MOB3B: variants seen among roughly 807,000 people sequenced by gnomAD.
The protein encoded by MOB3B is MOB kinase activator-like 2B.
A neutral mutation model predicts 18.7 loss-of-function variants in MOB3B; 7 were observed. The observed-to-expected ratio is 0.37, with a 90% CI of 0.21 to 0.70. The LOEUF is 0.70. MOB3B is among the 30% of genes least tolerant of loss of function. The pLI is 0.52. For missense variants in MOB3B, 253 were observed against 281.3 expected (o/e 0.90, Z 0.72); for synonymous variants, 111 against 99.9 (o/e 1.11, Z -0.66).
In MOB3B at chr9:27,359,103, G is replaced by A; in HGVS notation, c.552C>T (p.Thr184=). ...CAAAGTAATAGAAGTGTTTGTAGCA[G>A]GTGTTGACATGGGCCTCTGCACCCA... ...IVMGAEAHVN[T]CYKHFYYFVT... The change falls in exon 3 of 4, where the codon ACC becomes ACT. Residue 184 remains threonine (T), a synonymous_variant. Coordinates refer to ENST00000262244, the MANE Select transcript of MOB3B (RefSeq NM_024761.5). 1 of 1,614,108 alleles carries A rather than the reference G, an allele frequency of 6.2e-7. No individual in the cohort carries two copies. Among genetic ancestry groups the A allele is most frequent in the Non-Finnish European group, 8.5e-7 (1 of 1,180,016 alleles).
At chr9:27,518,003 G>C (rs188516930) in intron 1 of MOB3B, among the ~76,000 whole-genome samples, 18 of 152,176 alleles carry the variant, frequency 1.2e-4, no homozygotes, top group African/African-American at 4.3e-4. Flanking sequence ...ATTATTCCTA[G>C]ATACCACCCC....
At chr9:27,495,041 T>A (rs1181194736) in intron 1 of MOB3B, among the ~76,000 whole-genome samples, 1 of 152,090 alleles carries the variant, frequency 6.6e-6, no homozygotes, top group Non-Finnish European at 1.5e-5. Context: ...TATATTAAAA[T>A]AAAATGGGCC....
chr9:27,528,175 G>C (rs947366652), intron 1 of MOB3B, among the ~76,000 whole-genome samples: 1 of 152,198 alleles, frequency 6.6e-6, no homozygotes, highest in Non-Finnish European at 1.5e-5. Context: ...AGGCTTCCTC[G>C]TTATTTGCAT....
intron 1 of MOB3B, among the ~76,000 whole-genome samples, chr9:27,463,403 A>C (rs558915926): frequency 6.6e-6 from 1 of 152,222 alleles, no homozygotes; most frequent in South Asian, 2.1e-4. Context: ...ACCTACTTAA[A>C]AGTGCCTCTT....
At chr9:27,345,132 C>G (rs538005646) in intron 3 of MOB3B, among the ~76,000 whole-genome samples, 38 of 152,298 alleles carry the variant, frequency 2.5e-4, no homozygotes, top group Admixed American at 2.1e-3. Context: ...TTGTCGTCTT[C>G]ACTGAAATGG....
chr9:27,355,314 C>G (rs1021393244), intron 3 of MOB3B, among the ~76,000 whole-genome samples: 3 of 152,064 alleles, frequency 2.0e-5, no homozygotes, highest in African/African-American at 7.2e-5. Flanking sequence ...AGGCATGACA[C>G]CAAGAATGTC....
In MOB3B at chr9:27,466,961, T is replaced by A. The variant is rs1218424524; in HGVS notation, c.-198-11213A>T. Among the ~76,000 whole-genome samples, 3 of 152,154 alleles carry A rather than the reference T, an allele frequency of 2.0e-5. No homozygotes were observed. In the East Asian group the frequency reaches 5.8e-4, roughly 29 times the overall value. ...CCTGCCAGAAGGATTAAGTCTGCAT[T>A]TCTAGAAACTCTCAAGAGAGAACAG... On this transcript the variant is annotated intron_variant, in intron 1 of 3. Transcript: ENST00000262244.
chr9:27,378,657 T>C (rs1311299680), intron 2 of MOB3B: 1 of 471,022 alleles, frequency 2.1e-6, no homozygotes, highest in African/African-American at 2.0e-5. Context: ...CCAGCCCTGA[T>C]GACTCCCTGA....
At chr9:27,386,051 A>G (rs1311996957) in intron 2 of MOB3B, among the ~76,000 whole-genome samples, 1 of 152,246 alleles carries the variant, frequency 6.6e-6, no homozygotes, top group East Asian at 1.9e-4. Flanking sequence ...GCACATGGAC[A>G]AGCCATCCTG....
At chr9:27,473,520 A>G (rs889725605) in intron 1 of MOB3B, among the ~76,000 whole-genome samples, 2 of 152,076 alleles carry the variant, frequency 1.3e-5, no homozygotes, top group African/African-American at 4.8e-5. Flanking sequence ...TAGTCGCTAA[A>G]CTAATCCACA....
intron 2 of MOB3B, among the ~76,000 whole-genome samples, chr9:27,420,715 G>A (rs1452485571): frequency 6.6e-6 from 1 of 150,688 alleles, no homozygotes; most frequent in Non-Finnish European, 1.5e-5. Flanking sequence ...AGGTCATATG[G>A]TCTCACTGAT....
intron 2 of MOB3B, among the ~76,000 whole-genome samples, chr9:27,419,073 A>AAG (rs922082720): frequency 2.0e-5 from 3 of 151,846 alleles, no homozygotes; most frequent in African/African-American, 7.3e-5. Flanking sequence ...AAAAAAAAAA[A>AAG]AAAGACTTAG....
chr9:27,478,839 A>G (rs1203460751), intron 1 of MOB3B, among the ~76,000 whole-genome samples: 1 of 151,932 alleles, frequency 6.6e-6, no homozygotes, highest in Non-Finnish European at 1.5e-5. Context: ...ACACACACAC[A>G]CACACACACA....
chr9:27,389,418 T>C (rs1168157914), intron 2 of MOB3B, among the ~76,000 whole-genome samples: 1 of 152,182 alleles, frequency 6.6e-6, no homozygotes, highest in African/African-American at 2.4e-5. Context: ...TTCCAATTAC[T>C]TGAACATGCC....
At position 27,403,748 on chromosome 9, in the gene MOB3B, G is replaced by A. The variant is rs994628892; in HGVS notation, c.419-44512C>T. ...CCCGCCTCGGCCTCCCAAAGTGCTG[G>A]GATTACAGGTGTGAGCCATTATGCC... On this transcript the variant is annotated intron_variant, in intron 2 of 3. Coordinates refer to ENST00000262244, the MANE Select transcript of MOB3B (RefSeq NM_024761.5). 1.1e-4 allele frequency among the ~76,000 whole-genome samples: 17 copies of A among 151,652 alleles called. 1 individual carries two copies. Among genetic ancestry groups the A allele is most frequent in the African/African-American group, 3.9e-4 (16 of 41,402 alleles).
intron 1 of MOB3B, among the ~76,000 whole-genome samples, chr9:27,491,459 A>G (rs147242368): frequency 5.1e-4 from 77 of 152,334 alleles, no homozygotes; most frequent in South Asian, 1.2e-3. Context: ...ATTTGCCATA[A>G]TAAGTCTATT....
In MOB3B at chr9:27,335,228, A is replaced by C. The variant is rs1010313369; in HGVS notation, c.622-4612T>G. Among the ~76,000 whole-genome samples, 8 of 152,226 alleles carry C rather than the reference A, an allele frequency of 5.3e-5. No homozygotes were observed. The East Asian group carries it at 1.5e-3, about 29-fold the overall frequency. Reference sequence around the variant, plus strand: ...CTAGGAATTATGAAACAAGCGCCAAAAAGCAGTGACATCATCACAGAGTCA... The same window carrying C: ...CTAGGAATTATGAAACAAGCGCCAACAAGCAGTGACATCATCACAGAGTCA... On this transcript the variant is annotated intron_variant, in intron 3 of 3. Coordinates refer to ENST00000262244, the MANE Select transcript of MOB3B (RefSeq NM_024761.5).
At chr9:27,334,238 A>C (rs1476322597) in intron 3 of MOB3B, among the ~76,000 whole-genome samples, 2 of 152,204 alleles carry the variant, frequency 1.3e-5, no homozygotes, top group South Asian at 2.1e-4. Flanking sequence ...CAACATGATA[A>C]ATTTATCTTT....
chr9:27,459,138 G>A (rs181947314), intron 1 of MOB3B, among the ~76,000 whole-genome samples: 10 of 152,238 alleles, frequency 6.6e-5, no homozygotes, highest in South Asian at 2.1e-4. Context: ...CCATATTGGC[G>A]CAGGTACCTG....
Sources: allele counts gnomAD v4.1 joint callset (sites outside exome capture counted in the v4.1 genomes callset), GRCh38; gene constraint gnomAD v4.1.1; transcripts MANE v1.5; gene names NCBI Gene and HGNC (gene_info 2026-07-23, HGNC 2026-07-21).